ZBED6: variants seen among roughly 807,000 people sequenced by gnomAD.
The protein encoded by ZBED6 is zinc finger BED-type containing 6, also known as zinc finger BED domain-containing protein 6.
Under a neutral mutation model 58.4 loss-of-function variants are expected in ZBED6, and 40 were observed. That is an observed-to-expected ratio of 0.68 (90% confidence interval 0.53 to 0.89). The LOEUF is 0.89. Ranked by LOEUF, ZBED6 falls within the 40% of genes least tolerant of loss-of-function variation. ZBED6 has a pLI of 0.00. For missense variants in ZBED6, 1,057 were observed against 1,003.9 expected (o/e 1.05, Z -0.71); for synonymous variants, 439 against 350.6 (o/e 1.25, Z -2.82).
At chr1:203,810,209 C>T (rs1673903270) in intron 1 of ZBED6, among the ~76,000 whole-genome samples, 1 of 151,342 alleles carries the variant, frequency 6.6e-6, no homozygotes, top group South Asian at 2.1e-4. Context: ...CTCCTGGTCT[C>T]AAGTGATCCT....
chr1:203,819,384 G>A (rs2102824843), intron 3 of ZBED6, among the ~76,000 whole-genome samples: 1 of 150,938 alleles, frequency 6.6e-6, no homozygotes, highest in South Asian at 2.1e-4. Flanking sequence ...ACCATGGCCT[G>A]CTAATTTTTG....
chr1:203,841,362 C>T (rs769336141), intron 11 of ZBED6, among the ~76,000 whole-genome samples: 2 of 152,056 alleles, frequency 1.3e-5, no homozygotes, highest in Non-Finnish European at 2.9e-5. Flanking sequence ...TGACTCTTAA[C>T]GAGCATGCTG....
rs59033094 is a variant in ZBED6 at position 203,838,954 on chromosome 1, C to CA, written c.*3672+911dup. Among the ~76,000 whole-genome samples the CA allele has an allele frequency of 3.7e-3, 359 of 97,882 alleles. 8 individuals are homozygous for CA. Among genetic ancestry groups the CA allele is most frequent in the African/African-American group, 0.011 (268 of 23,370 alleles). 64.2% of individuals were successfully genotyped at this position (97,882 alleles called of 152,430 possible). A position where few individuals can be genotyped will look rare whatever the true frequency, so the allele number is the denominator to read the frequency against. On this transcript the variant is annotated intron_variant, in intron 10 of 16. Transcript: ENST00000550078. ...TGGGTGACCGAGTGAGACTTCATCT[C>CA]AAAAAAAAAAAAAAAAAAAAAGAAA... is the stretch of plus-strand genomic sequence containing the variant.
At position 203,819,507 on chromosome 1, in the gene ZBED6, C is replaced by T. The variant is rs571314441; in HGVS notation, c.*2873+818C>T. ...AAAGTGCTGGGATTACATGCGTGAG[C>T]CACCGTGCCCAGCTGACTCCAATTT... On this transcript the variant is annotated intron_variant, in intron 3 of 16. Coordinates refer to ENST00000550078, the Ensembl canonical transcript of ZBED6. 7.4e-5 allele frequency among the ~76,000 whole-genome samples: 11 copies of T among 148,304 alleles called. No individual in the cohort carries two copies. The South Asian group carries it at 2.4e-3, about 32-fold the overall frequency.
exon 1 of ZBED6, chr1:203,801,753 C>T (rs1216322319): frequency 2.0e-5 from 3 of 151,750 alleles, no homozygotes; most frequent in Non-Finnish European, 2.9e-5. Context: ...TGCTTTGTTA[C>T]TGGGCTGGTT....
At chr1:203,830,929 T>TATTTTA (rs1170842803) in intron 7 of ZBED6, among the ~76,000 whole-genome samples, 3 of 74,148 alleles carry the variant, frequency 4.0e-5, no homozygotes, top group African/African-American at 2.2e-4. Context: ...CCCCCAATTT[T>TATTTTA]TTTTTTTTTT....
chr1:203,819,369 CT>C (rs573466370), intron 3 of ZBED6, among the ~76,000 whole-genome samples: 2,589 of 146,490 alleles, frequency 0.018, 72 homozygotes, highest in African/African-American at 0.057. Context: ...TTACAGGCAC[CT>C]GCCACCATGG....
intron 1 of ZBED6, among the ~76,000 whole-genome samples, chr1:203,811,751 T>C (rs1051903708): frequency 6.7e-6 from 1 of 149,252 alleles, no homozygotes; most frequent in Non-Finnish European, 1.5e-5. Context: ...CTCAAATGAC[T>C]TTTTTTATTA....
chr1:203,828,170 T>C (rs1681177630), intron 3 of ZBED6, 129 bp from the exon 4 acceptor site: 2 of 1,084,078 alleles, frequency 1.8e-6, no homozygotes, highest in Non-Finnish European at 1.3e-6. Flanking sequence ...CTCTTCCTTC[T>C]AAAAATCATC....
intron 1 of ZBED6, among the ~76,000 whole-genome samples, chr1:203,808,847 T>G (rs1673273916): frequency 6.6e-6 from 1 of 152,118 alleles, no homozygotes; most frequent in Non-Finnish European, 1.5e-5. Context: ...TTTATTTTCT[T>G]GAGAAGGCGT....
rs575847227 is a variant in ZBED6 at position 203,835,993 on chromosome 1, A to G, written c.*3574-1973A>G. ...GGAGAGCTAAGAGCAGTATTTTAAT[A>G]TCTCAGCATGTATTTAGAGTACAAA... On this transcript the variant is annotated intron_variant, in intron 9 of 16. Coordinates refer to ENST00000550078, the Ensembl canonical transcript of ZBED6. The G allele has an allele frequency of 3.9e-4, 62 of 158,140 alleles. 1 individual carries two copies. The East Asian group carries it at 0.01, about 26-fold the overall frequency. The allele number at this position is 158,140 out of a possible 1,614,324, so 9.8% of individuals were successfully genotyped here.
intron 1 of ZBED6, chr1:203,805,898 C>T: frequency 4.2e-6 from 3 of 707,340 alleles, no homozygotes; most frequent in Non-Finnish European, 5.2e-6. Context: ...TCAATCTGGT[C>T]AGTTTTCACT....
chr1:203,851,168 T>C lies in ZBED6; in HGVS notation c.*4873+44T>C, dbSNP rs531939124. 83 of 1,575,894 alleles carry C rather than the reference T, an allele frequency of 5.3e-5. No individual in the cohort carries two copies. The South Asian group carries it at 8.7e-4, about 16-fold the overall frequency. ...TTCTAAACAAACTCCAGGCCCCTGT[T>C]ACTGTTTAGGCTCTCTAGAGAATAA... On this transcript the variant is annotated intron_variant, in intron 16 of 16. Coordinates refer to ENST00000550078, the Ensembl canonical transcript of ZBED6.
intron 3 of ZBED6, among the ~76,000 whole-genome samples, chr1:203,824,876 A>G (rs1209155943): frequency 6.6e-6 from 1 of 151,984 alleles, no homozygotes; most frequent in Non-Finnish European, 1.5e-5. Flanking sequence ...GGAGTTTGAG[A>G]CCAGCCTGGA....
At chr1:203,799,808 G>T (rs1275546573) in exon 1 of ZBED6, 1 of 1,362,362 alleles carries the variant, frequency 7.3e-7, no homozygotes, top group Non-Finnish European at 1.0e-6. Context: ...TTAAATCCAA[G>T]CCCTGTATCT....
Position 203,798,139 on chromosome 1 carries a change from C to T in ZBED6, c.617C>T (p.Ser206Phe). Residue 206 changes from serine (S) to phenylalanine (F), a missense_variant, in exon 1 of 17, where the codon TCT becomes TTT. Coordinates refer to ENST00000550078, the Ensembl canonical transcript of ZBED6. ...GACTTTACCTTGGATGTGTCTTTAT[C>T]TCCCTCTTCTGGAAGCAATGGAAGC... is the stretch of plus-strand genomic sequence containing the variant. The T allele has an allele frequency of 2.0e-6, 3 of 1,536,150 alleles. No individual in the cohort carries two copies. The South Asian group carries it at 3.6e-5, about 18-fold the overall frequency.
At chr1:203,833,996 A>T in intron 9 of ZBED6, 143 bp downstream of exon 9, 2 of 1,367,818 alleles carry the variant, frequency 1.5e-6, no homozygotes, top group Non-Finnish European at 9.4e-7. Context: ...TCATGTTTTC[A>T]TGAGTGCATT....
exon 17 of ZBED6, chr1:203,854,040 C>T (rs1374114506): frequency 2.0e-5 from 3 of 152,576 alleles, no homozygotes; most frequent in Admixed American, 1.3e-4. Flanking sequence ...GTCAATGTTT[C>T]GTGTTCCGCA....
At chr1:203,835,080 C>T (rs1683832934) in intron 9 of ZBED6, among the ~76,000 whole-genome samples, 1 of 152,190 alleles carries the variant, frequency 6.6e-6, no homozygotes, top group African/African-American at 2.4e-5. Context: ...TCTTCAGAAC[C>T]GTTCTGAACT....
Sources: allele counts gnomAD v4.1 joint callset (sites outside exome capture counted in the v4.1 genomes callset), GRCh38; gene constraint gnomAD v4.1.1; transcripts MANE v1.5; gene names NCBI Gene and HGNC (gene_info 2026-07-23, HGNC 2026-07-21).